Variants in DLG2 observed in about 807,000 individuals in gnomAD.
DLG2 encodes the protein discs large MAGUK scaffold protein 2.
A neutral mutation model predicts 132.5 loss-of-function variants in DLG2; 45 were observed. The observed-to-expected ratio is 0.34, with a 90% CI of 0.27 to 0.44. The LOEUF (loss-of-function observed/expected upper bound fraction) is 0.44. Ranked by LOEUF, DLG2 falls within the 20% of genes least tolerant of loss-of-function variation. The probability of loss-of-function intolerance (pLI) is 1.00; values close to 1 mark genes in which losing one functional copy is unlikely to be tolerated. For synonymous variants in DLG2, 424 were observed against 419.6 expected (o/e 1.01, Z -0.13); for missense variants, 1,045 against 1,196.9 (o/e 0.87, Z 1.87).
intron 7 of DLG2, among the ~76,000 whole-genome samples, chr11:84,388,430 A>G (rs983315099): frequency 3.3e-5 from 5 of 152,048 alleles, no homozygotes; most frequent in Non-Finnish European, 7.4e-5. Flanking sequence ...TTGGTTTGCC[A>G]TTTTTTATTG....
At chr11:83,563,525 A>G (rs1012946014) in intron 19 of DLG2, among the ~76,000 whole-genome samples, 42 of 152,326 alleles carry the variant, frequency 2.8e-4, no homozygotes, top group East Asian at 1.9e-4. Flanking sequence ...TAAATTCGAA[A>G]ACACAACTTT....
chr11:84,106,947 A>AGTGTGTGTGTGT (rs1566527983), intron 9 of DLG2, among the ~76,000 whole-genome samples: 1 of 36,462 alleles, frequency 2.7e-5, no homozygotes, highest in Non-Finnish European at 7.3e-5. Context: ...TGTGTGTGAG[A>AGTGTGTGTGTGT]GAGAGAAAGA....
At chr11:83,811,535 A>G (rs2047291142) in intron 17 of DLG2, among the ~76,000 whole-genome samples, 1 of 152,136 alleles carries the variant, frequency 6.6e-6, no homozygotes, top group Non-Finnish European at 1.5e-5. Flanking sequence ...CTAGAAGAGT[A>G]TTTCCTCACT....
intron 19 of DLG2, among the ~76,000 whole-genome samples, chr11:83,577,429 T>G (rs1300998236): frequency 7.0e-6 from 1 of 142,058 alleles, no homozygotes; most frequent in East Asian, 2.0e-4. Flanking sequence ...ATAGGATAGA[T>G]ATATAATAGT....
At chr11:84,430,288 A>C (rs2098980212) in intron 7 of DLG2, among the ~76,000 whole-genome samples, 1 of 151,948 alleles carries the variant, frequency 6.6e-6, no homozygotes, top group African/African-American at 2.4e-5. Context: ...ATACAAAAAA[A>C]ATTAGCTGAG....
intron 6 of DLG2, among the ~76,000 whole-genome samples, chr11:85,099,755 G>C (rs1416087043): frequency 6.6e-6 from 1 of 152,162 alleles, no homozygotes; most frequent in Non-Finnish European, 1.5e-5. Flanking sequence ...ACTTGATGAT[G>C]TCCGTGTTTG....
chr11:83,804,579 G>GACACACACACACACACACACACACAC (rs61221099), intron 17 of DLG2, among the ~76,000 whole-genome samples: 10 of 142,030 alleles, frequency 7.0e-5, no homozygotes, highest in Admixed American at 2.1e-4. Flanking sequence ...CCTAGCAGAA[G>GACACACACACACACACACACACACAC]ACACACACAC....
chr11:85,040,869 G>A (rs964450190), intron 6 of DLG2, among the ~76,000 whole-genome samples: 1 of 151,846 alleles, frequency 6.6e-6, no homozygotes, highest in Non-Finnish European at 1.5e-5. Context: ...GTACCATAAA[G>A]TAGGAACTAG....
intron 6 of DLG2, among the ~76,000 whole-genome samples, chr11:84,915,685 TTAA>T (rs1386407515): frequency 6.6e-6 from 1 of 152,208 alleles, no homozygotes; most frequent in African/African-American, 2.4e-5. Flanking sequence ...GATTAATTAA[TTAA>T]TCTTAATTTT....
At chr11:84,356,938 T>C (rs1186940009) in intron 7 of DLG2, among the ~76,000 whole-genome samples, 3 of 152,040 alleles carry the variant, frequency 2.0e-5, no homozygotes, top group Non-Finnish European at 4.4e-5. Flanking sequence ...GCCAGAAAGT[T>C]CAAGGGCTAT....
intron 19 of DLG2, among the ~76,000 whole-genome samples, chr11:83,554,694 C>G (rs1446697005): frequency 6.6e-6 from 1 of 152,118 alleles, no homozygotes; most frequent in Non-Finnish European, 1.5e-5. Flanking sequence ...ACTATGGGAG[C>G]TTGGAGCAGA....
At chr11:85,624,464 C>A (rs758718244) in intron 2 of DLG2, among the ~76,000 whole-genome samples, 12 of 152,284 alleles carry the variant, frequency 7.9e-5, no homozygotes, top group Admixed American at 2.6e-4. Flanking sequence ...CACATTAAGT[C>A]TAGCTTTTTC....
intron 3 of DLG2, among the ~76,000 whole-genome samples, chr11:85,306,509 G>A (rs571604682): frequency 3.3e-5 from 5 of 152,326 alleles, no homozygotes; most frequent in Non-Finnish European, 5.9e-5. Flanking sequence ...GGTGAATGGG[G>A]CCGAAGAGCC....
intron 7 of DLG2, among the ~76,000 whole-genome samples, chr11:84,450,068 C>G (rs918859402): frequency 3.3e-5 from 5 of 151,798 alleles, no homozygotes; most frequent in Non-Finnish European, 7.4e-5. Flanking sequence ...CAGATAATAT[C>G]AAATTCCTTT....
intron 6 of DLG2, among the ~76,000 whole-genome samples, chr11:84,674,843 G>A (rs1438186326): frequency 1.3e-5 from 2 of 151,996 alleles, no homozygotes; most frequent in African/African-American, 4.8e-5. Context: ...TCCTTACATG[G>A]GCTCATCTTT....
intron 22 of DLG2, among the ~76,000 whole-genome samples, chr11:83,475,052 A>G (rs375669910): frequency 2.0e-4 from 31 of 152,262 alleles, no homozygotes; most frequent in African/African-American, 7.5e-4. Flanking sequence ...TCAGAGCAGT[A>G]GTGTTGGTAG....
At chr11:83,903,394 G>C (rs949111362) in intron 15 of DLG2, among the ~76,000 whole-genome samples, 1 of 152,120 alleles carries the variant, frequency 6.6e-6, no homozygotes, top group South Asian at 2.1e-4. Flanking sequence ...TCATCTGATA[G>C]AGTATTCTGT....
intron 6 of DLG2, among the ~76,000 whole-genome samples, chr11:84,578,325 C>T (rs938782325): frequency 6.6e-6 from 1 of 152,246 alleles, no homozygotes; most frequent in East Asian, 1.9e-4. Context: ...CCACCGACAG[C>T]TTGCACTGTG....
chr11:83,605,677 G>C (rs2059232077), intron 19 of DLG2, among the ~76,000 whole-genome samples: 1 of 152,200 alleles, frequency 6.6e-6, no homozygotes, highest in African/African-American at 2.4e-5. Context: ...AGTTAAAGGT[G>C]CAGCTGCTTC....
Sources: allele counts gnomAD v4.1 joint callset (sites outside exome capture counted in the v4.1 genomes callset), GRCh38; gene constraint gnomAD v4.1.1; transcripts MANE v1.5; gene names NCBI Gene and HGNC (gene_info 2026-07-23, HGNC 2026-07-21).